DIXDC1: variants seen among roughly 807,000 people sequenced by gnomAD.
DIXDC1 encodes the protein DIX domain containing 1, also known as dixin.
DIXDC1 carries 64 observed loss-of-function variants against 103.1 expected under a neutral mutation model. The ratio of observed to expected loss-of-function variants is 0.62; its 90% CI spans 0.51 to 0.76. DIXDC1 has a LOEUF of 0.76. Ranked by LOEUF, DIXDC1 falls within the 30% of genes least tolerant of loss-of-function variation. DIXDC1 has a pLI of 0.00. For missense variants in DIXDC1, 759 were observed against 834.2 expected (o/e 0.91, Z 1.11); for synonymous variants, 266 against 298.5 (o/e 0.89, Z 1.12).
In DIXDC1 at chr11:111,977,771, C is replaced by T. The variant is rs782819425; in HGVS notation, c.656+2788C>T. On this transcript the variant is annotated intron_variant, in intron 5 of 19. Coordinates refer to ENST00000440460, the MANE Select transcript of DIXDC1 (RefSeq NM_001037954.4). The surrounding 1 kb of genome is among the most constrained non-coding windows in gnomAD (Gnocchi z 6.1). ...CTGAAGCCCGAGACAGGAGGGGGAC[C>T]ATGGGAGGGACGCAAGTCAAATGGT... 13 of 1,565,098 alleles carry T rather than the reference C, an allele frequency of 8.3e-6. No homozygotes were observed. In the South Asian group the frequency reaches 1.4e-4, roughly 17 times the overall value.
chr11:111,995,029 A>C lies in DIXDC1; in HGVS notation c.1448A>C (p.Tyr483Ser), dbSNP rs139285669. ...MKREADEATN[Y>S]NSHNSQSNGF... The stretch of plus-strand genomic sequence containing the variant: ...TTCATGCTGCTGTAGGCGACCAACT[A>C]CAACAGTCACAACTCTCAAAGCAAT... Residue 483 changes from tyrosine (Y) to serine (S), a missense_variant, in exon 15 of 20, where the codon TAC becomes TCC. Tyr to Ser is a moderately radical substitution (Grantham distance 144). Transcript: ENST00000440460. 6.8e-6 allele frequency: 11 copies of C among 1,613,656 alleles called. No homozygotes were observed. In the African/African-American group the frequency reaches 1.3e-4, roughly 20 times the overall value.
chr11:112,006,369 CA>C (rs1349690569), intron 17 of DIXDC1, among the ~76,000 whole-genome samples: 6 of 152,218 alleles, frequency 3.9e-5, no homozygotes, highest in African/African-American at 1.2e-4. Flanking sequence ...CATAGCTGAA[CA>C]AAAGGCAGCA....
chr11:111,937,133 G>C (rs587633317), upstream of DIXDC1: 48 of 684,934 alleles, frequency 7.0e-5, 4 homozygotes, highest in Non-Finnish European at 8.2e-5. Flanking sequence ...GGCCCGGGCG[G>C]GGGGGGGGTG....
At chr11:111,975,661 C>A (rs1466622196) in intron 5 of DIXDC1, 88 of 985,514 alleles carry the variant, frequency 8.9e-5, no homozygotes, top group Non-Finnish European at 1.0e-4. Context: ...TTTTTACTAA[C>A]TTCATTTTGT....
Position 111,970,204 on chromosome 11 carries a change from C to T in DIXDC1, c.316+1566C>T, listed in dbSNP as rs1442912455. Among the ~76,000 whole-genome samples, 8 of 151,734 alleles carry T rather than the reference C, an allele frequency of 5.3e-5. No individual in the cohort carries two copies. The South Asian group carries it at 8.4e-4, about 16-fold the overall frequency. On this transcript the variant is annotated intron_variant, in intron 3 of 19. Transcript: ENST00000440460. The stretch of plus-strand genomic sequence containing the variant: ...CTGAGTAGCTGGAACTACAGGCATG[C>T]GCCACCATGCCTGGCTTATTTTTGT...
chr11:111,995,096 C>G lies in DIXDC1; in HGVS notation c.1515C>G (p.Val505=). 1 of 1,613,640 alleles carries G rather than the reference C, an allele frequency of 6.2e-7. No individual in the cohort carries two copies. Among genetic ancestry groups the G allele is most frequent in the Non-Finnish European group, 8.5e-7 (1 of 1,179,882 alleles). The change falls in exon 15 of 20, where the codon GTC becomes GTG. Residue 505 remains valine, a synonymous_variant. Coordinates refer to ENST00000440460, the MANE Select transcript of DIXDC1 (RefSeq NM_001037954.4). ...CGGCAGGAAAAGGAGCTACTTCAGT[C>G]AGCAACAGAGGGGTACGTACCTGGA... The part of the protein sequence containing the change: ...LPTAGKGATS[V]SNRGTSDLQL...
At chr11:111,966,496 C>T (rs1482500155) in intron 2 of DIXDC1, among the ~76,000 whole-genome samples, 19 of 151,272 alleles carry the variant, frequency 1.3e-4, no homozygotes, top group Non-Finnish European at 2.2e-4. Context: ...CTCCGCCTCC[C>T]GGGTTCACGC....
chr11:111,954,258 A>G (rs1405421554), intron 1 of DIXDC1, among the ~76,000 whole-genome samples: 2 of 152,146 alleles, frequency 1.3e-5, no homozygotes, highest in African/African-American at 4.8e-5. Flanking sequence ...TTAGATTCTC[A>G]TAAGGAGGGT....
chr11:112,016,375 T>C (rs1256331026), intron 17 of DIXDC1, among the ~76,000 whole-genome samples: 1 of 152,216 alleles, frequency 6.6e-6, no homozygotes, highest in Non-Finnish European at 1.5e-5. Context: ...GCTGTGTGTC[T>C]ACCCTGCCTG....
intron 1 of DIXDC1, among the ~76,000 whole-genome samples, chr11:111,953,618 C>A (rs1295465809): frequency 4.6e-5 from 7 of 152,166 alleles, no homozygotes; most frequent in African/African-American, 1.7e-4. Context: ...AGCTTGGAGA[C>A]AGAGCGATAC....
intron 5 of DIXDC1, among the ~76,000 whole-genome samples, chr11:111,978,115 A>G (rs1555172885): frequency 6.6e-6 from 1 of 152,154 alleles, no homozygotes; most frequent in African/African-American, 2.4e-5. Context: ...TCTTTGCTGC[A>G]GGATTGCTTG....
rs191364649 is a variant in DIXDC1, at chr11:111,980,305, T to C, written c.657-432T>C. On this transcript the variant is annotated intron_variant, in intron 5 of 19. Transcript: ENST00000440460. Reference sequence around the variant, plus strand: ...GCCTGTATCTGTGAGAGATCAGTGTTTTGGAAATAAAATTTCCTTCTAGCT... The same window carrying C: ...GCCTGTATCTGTGAGAGATCAGTGTCTTGGAAATAAAATTTCCTTCTAGCT... Among the ~76,000 whole-genome samples the C allele has an allele frequency of 5.3e-3, 802 of 152,308 alleles. 4 individuals are homozygous for C. The highest frequency in any genetic ancestry group is 0.017 in the Middle Eastern group (5 of 294).
At chr11:111,986,331 C>A (rs1359089413) in intron 8 of DIXDC1, among the ~76,000 whole-genome samples, 1 of 150,654 alleles carries the variant, frequency 6.6e-6, no homozygotes. Flanking sequence ...TACCCCACCC[C>A]CTCCCCTGCA....
Position 111,975,415 on chromosome 11 carries a change from T to G in DIXDC1, c.656+432T>G, listed in dbSNP as rs917094749. On this transcript the variant is annotated intron_variant, in intron 5 of 19. Coordinates refer to ENST00000440460, the MANE Select transcript of DIXDC1 (RefSeq NM_001037954.4). ...AGAGAAGAAATTGAGCAGAGTTGTC[T>G]TAGAGCATTAGAATGTTTCCAACTT... is the stretch of plus-strand genomic sequence containing the variant. 15 of 1,025,820 alleles carry G rather than the reference T, an allele frequency of 1.5e-5. No individual in the cohort carries two copies. In the African/African-American group the frequency reaches 2.5e-4, roughly 17 times the overall value. The allele number at this position is 1,025,820 out of a possible 1,614,324, so 63.5% of individuals were successfully genotyped here.
At chr11:111,955,358 AG>A (rs1255010707) in intron 1 of DIXDC1, among the ~76,000 whole-genome samples, 2 of 148,682 alleles carry the variant, frequency 1.3e-5, no homozygotes, top group African/African-American at 5.0e-5. Context: ...AAAAAAAAAA[AG>A]GAAGGAAAGG....
chr11:111,996,328 AC>A, intron 17 of DIXDC1, 182 bp downstream of exon 17: 1 of 505,662 alleles, frequency 2.0e-6, no homozygotes, highest in Non-Finnish European at 3.4e-6. Flanking sequence ...TGCCATCACC[AC>A]CCCCAGTGCC....
At chr11:111,967,576 C>G (rs1482448364) in intron 2 of DIXDC1, among the ~76,000 whole-genome samples, 5 of 152,182 alleles carry the variant, frequency 3.3e-5, no homozygotes, top group African/African-American at 4.8e-5. Flanking sequence ...TAGTCTATTT[C>G]CACGCAGAGT....
chr11:111,939,688 T>C (rs1555168621), intron 1 of DIXDC1, among the ~76,000 whole-genome samples: 2 of 152,226 alleles, frequency 1.3e-5, no homozygotes, highest in East Asian at 1.9e-4. Flanking sequence ...TCACATTCTA[T>C]ATTAAATAAT....
At chr11:111,956,276 A>G (rs1174164875) in intron 1 of DIXDC1, among the ~76,000 whole-genome samples, 1 of 152,204 alleles carries the variant, frequency 6.6e-6, no homozygotes, top group African/African-American at 2.4e-5. Flanking sequence ...TGCAGTATGA[A>G]AAAGGTCTAT....
Sources: allele counts gnomAD v4.1 joint callset (sites outside exome capture counted in the v4.1 genomes callset), GRCh38; gene constraint gnomAD v4.1.1; non-coding constraint Gnocchi (gnomAD v3.1); transcripts MANE v1.5; gene names NCBI Gene and HGNC (gene_info 2026-07-23, HGNC 2026-07-21).